ZDHHC7: variants seen among roughly 807,000 people sequenced by gnomAD.
ZDHHC7 encodes palmitoyltransferase ZDHHC7.
Under a neutral mutation model 34.1 loss-of-function variants are expected in ZDHHC7, and 12 were observed. That is an observed-to-expected ratio of 0.35 (90% CI 0.23 to 0.57). ZDHHC7 has a LOEUF of 0.57. ZDHHC7 is among the 20% of genes least tolerant of loss of function. The pLI is 0.84. For missense variants in ZDHHC7, 388 were observed against 402.7 expected (o/e 0.96, Z 0.31); for synonymous variants, 185 against 155.4 (o/e 1.19, Z -1.42).
chr16:85,008,588 T>C (rs1472660329), intron 1 of ZDHHC7, among the ~76,000 whole-genome samples: 2 of 151,894 alleles, frequency 1.3e-5, no homozygotes, highest in Non-Finnish European at 2.9e-5. Flanking sequence ...CACTCAACTT[T>C]ATAGCTAGCT....
chr16:85,001,935 T>C (rs766932505), intron 1 of ZDHHC7, among the ~76,000 whole-genome samples: 5 of 151,756 alleles, frequency 3.3e-5, no homozygotes, highest in Non-Finnish European at 5.9e-5. Context: ...AATAAATATA[T>C]ATACAAGATG....
In ZDHHC7 at chr16:84,976,480, G is replaced by C; in HGVS notation, c.790C>G (p.Arg264Gly). The change falls in exon 8 of 8, where the codon CGG becomes GGG. Residue 264 changes from arginine to glycine, a missense_variant. Transcript: ENST00000313732. ...RLKSEKPTWERRLRWEGMKSV... is the reference protein window; with the variant it reads ...RLKSEKPTWEGRLRWEGMKSV... ...TTCATCCCTTCCCATCGCAGCCTCC[G>C]CTCCCATGTGGGCTTCTCACTTTTC... 1 of 1,613,962 alleles carries C rather than the reference G, an allele frequency of 6.2e-7. No homozygotes were observed. Among genetic ancestry groups the C allele is most frequent in the South Asian group, 1.1e-5 (1 of 91,080 alleles).
intron 1 of ZDHHC7, among the ~76,000 whole-genome samples, chr16:85,002,766 T>A (rs7187564): frequency 0.15 from 23,061 of 151,978 alleles, 2,205 homozygotes; most frequent in Admixed American, 0.23. Flanking sequence ...CCTTCCTCCC[T>A]GGAGGAAGAA....
At chr16:84,996,949 C>A (rs2072586645) in intron 1 of ZDHHC7, among the ~76,000 whole-genome samples, 1 of 151,706 alleles carries the variant, frequency 6.6e-6, no homozygotes, top group South Asian at 2.1e-4. Flanking sequence ...CTGCTTGAAC[C>A]CACGAGGCGG....
At chr16:85,019,266 T>C in the ZDHHC7 span, among the ~76,000 whole-genome samples, 42 of 152,216 alleles carry the variant, frequency 2.8e-4, no homozygotes, top group Non-Finnish European at 4.7e-4. Flanking sequence ...ACTTACCCCG[T>C]TGACTATTCC....
In ZDHHC7 at chr16:84,975,137, C is replaced by T. The variant is rs2072278299; in HGVS notation, c.*1206G>A. The stretch of plus-strand genomic sequence containing the variant: ...TAATTTTAAGCTCCGCACCAAGGAT[C>T]CTATTTTATCACCTGTGCCGTGGGT... On this transcript the variant is annotated 3_prime_UTR_variant, in exon 8 of 8. Transcript: ENST00000313732. 6.5e-6 allele frequency: 1 copy of T among 152,694 alleles called. No homozygotes were observed. The highest frequency in any genetic ancestry group is 1.5e-5 in the Non-Finnish European group (1 of 68,056). The allele number at this position is 152,694 out of a possible 1,614,324, so 9.5% of individuals were successfully genotyped here. A position where few individuals can be genotyped will look rare whatever the true frequency, so the allele number is the denominator to read the frequency against.
the ZDHHC7 span, among the ~76,000 whole-genome samples, chr16:85,019,820 A>C: frequency 6.6e-5 from 10 of 152,342 alleles, no homozygotes; most frequent in African/African-American, 2.4e-4. Context: ...CTAGACAAAC[A>C]GGACCAGAGA....
rs946334632 is a variant in ZDHHC7 at position 84,976,137 on chromosome 16, C to G, written c.*206G>C. 3.1e-6 allele frequency: 2 copies of G among 648,950 alleles called. No homozygotes were observed. Among genetic ancestry groups the G allele is most frequent in the East Asian group, 6.0e-5 (2 of 33,138 alleles). 40.2% of individuals were successfully genotyped at this position (648,950 alleles called of 1,614,324 possible). A position where few individuals can be genotyped will look rare whatever the true frequency, so the allele number is the denominator to read the frequency against. ...TTTGGCTTCTTCGTGTGGCCACACACCTTTCCGTTGTTGTACAGGTGGGGA... is the reference window on the plus strand; with the variant it reads ...TTTGGCTTCTTCGTGTGGCCACACAGCTTTCCGTTGTTGTACAGGTGGGGA... On this transcript the variant is annotated 3_prime_UTR_variant, in exon 8 of 8. Coordinates refer to ENST00000313732, the MANE Select transcript of ZDHHC7 (RefSeq NM_017740.3).
intron 1 of ZDHHC7, among the ~76,000 whole-genome samples, chr16:85,006,531 T>C (rs1413936890): frequency 1.3e-5 from 2 of 151,622 alleles, no homozygotes; most frequent in East Asian, 1.9e-4. Context: ...CTGAGCAACA[T>C]GGAGTTCAAG....
chr16:85,016,648 G>A, the ZDHHC7 span, among the ~76,000 whole-genome samples: 1 of 149,894 alleles, frequency 6.7e-6, no homozygotes. Context: ...AAGATTGAGG[G>A]TGATGGCCAT....
At chr16:85,005,427 G>C (rs1008488496) in intron 1 of ZDHHC7, among the ~76,000 whole-genome samples, 1 of 152,192 alleles carries the variant, frequency 6.6e-6, no homozygotes, top group African/African-American at 2.4e-5. Context: ...TTTGTCAGGA[G>C]ATTTACACAC....
At chr16:85,025,687 C>T in the ZDHHC7 span, among the ~76,000 whole-genome samples, 9 of 152,316 alleles carry the variant, frequency 5.9e-5, no homozygotes, top group East Asian at 1.2e-3. Flanking sequence ...GGATTACAGG[C>T]GTCAGCCACC....
chr16:85,017,318 T>C, the ZDHHC7 span, among the ~76,000 whole-genome samples: 1 of 152,190 alleles, frequency 6.6e-6, no homozygotes, highest in Non-Finnish European at 1.5e-5. Context: ...AATGAAATAG[T>C]ATCCAGACAC....
chr16:84,993,423 G>A (rs2072535767), intron 2 of ZDHHC7, among the ~76,000 whole-genome samples: 1 of 152,074 alleles, frequency 6.6e-6, no homozygotes, highest in Admixed American at 6.5e-5. Context: ...CTTGAGCCCA[G>A]GAGTTTGAGA....
At chr16:85,010,476 A>C (rs1193789654) in intron 1 of ZDHHC7, among the ~76,000 whole-genome samples, 2 of 152,216 alleles carry the variant, frequency 1.3e-5, no homozygotes, top group African/African-American at 4.8e-5. Flanking sequence ...TGGGATAGTA[A>C]CAGTAAAATA....
intron 1 of ZDHHC7, among the ~76,000 whole-genome samples, chr16:85,003,843 C>G (rs1459829150): frequency 6.6e-6 from 1 of 152,210 alleles, no homozygotes; most frequent in Admixed American, 6.5e-5. Context: ...ACACCAGTCT[C>G]AGGAGTGAGG....
Position 85,005,437 on chromosome 16 carries a change from C to T in ZDHHC7, c.-104+5849G>A, listed in dbSNP as rs1181123937. Among the ~76,000 whole-genome samples the T allele has an allele frequency of 3.3e-5, 5 of 152,318 alleles. No individual in the cohort carries two copies. The East Asian group carries it at 5.8e-4, about 18-fold the overall frequency. On this transcript the variant is annotated intron_variant, in intron 1 of 7. Coordinates refer to ENST00000313732, the MANE Select transcript of ZDHHC7 (RefSeq NM_017740.3). The stretch of plus-strand genomic sequence containing the variant: ...CTCTGTTTGTCAGGAGATTTACACA[C>T]GTGACCACCACCCTAAAAGCCAGGC...
chr16:84,996,253 A>C (rs2143679853), intron 1 of ZDHHC7, among the ~76,000 whole-genome samples: 1 of 152,324 alleles, frequency 6.6e-6, no homozygotes, highest in Middle Eastern at 3.4e-3. Context: ...TTTTAGCCCC[A>C]GTGTTAAATA....
chr16:84,990,451 A>T lies in ZDHHC7; in HGVS notation c.168T>A (p.Leu56=). 6.2e-7 allele frequency: 1 copy of T among 1,614,154 alleles called. No homozygotes were observed. ...CGMICAVMTW[L]LVAYADFVVT... ...CCACGAAGTCTGCATAGGCGACCAG[A>T]AGCCACGTCATGACAGCACAGATCA... is the stretch of plus-strand genomic sequence containing the variant. The change falls in exon 3 of 8, where the codon CTT becomes CTA. Residue 56 remains leucine, a synonymous_variant. Coordinates refer to ENST00000313732, the MANE Select transcript of ZDHHC7 (RefSeq NM_017740.3).
Sources: gnomAD v4.1 joint callset for allele counts (sites outside exome capture counted in the v4.1 genomes callset) on GRCh38, gnomAD v4.1.1 for gene constraint, MANE v1.5 for transcripts, NCBI Gene and HGNC (gene_info 2026-07-23, HGNC 2026-07-21) for gene names.